SHISAL1: variants seen among roughly 807,000 people sequenced by gnomAD.
The protein encoded by SHISAL1 is protein shisa-like-1.
In SHISAL1, 9 loss-of-function variants were observed where a neutral mutation model predicts 22.6. The ratio of observed to expected loss-of-function variants is 0.40; its 90% CI spans 0.24 to 0.70. SHISAL1 has a LOEUF of 0.70. SHISAL1 is among the 30% of genes least tolerant of loss of function. The pLI is 0.39. For missense variants in SHISAL1, 246 were observed against 270.6 expected (o/e 0.91, Z 0.64); for synonymous variants, 119 against 115.4 (o/e 1.03, Z -0.20).
At chr22:44,288,931 C>T (rs1169860291) in intron 3 of SHISAL1, among the ~76,000 whole-genome samples, 2 of 152,196 alleles carry the variant, frequency 1.3e-5, no homozygotes, top group East Asian at 1.9e-4. Context: ...GCCCTGAAGG[C>T]GGGGTTGGGG....
At chr22:44,301,594 C>A (rs893682533) in intron 1 of SHISAL1, among the ~76,000 whole-genome samples, 4 of 152,188 alleles carry the variant, frequency 2.6e-5, no homozygotes, top group African/African-American at 9.7e-5. Context: ...CGAACAGATA[C>A]GTACACACAC....
the SHISAL1 span, among the ~76,000 whole-genome samples, chr22:44,322,252 G>T: frequency 6.6e-6 from 1 of 152,242 alleles, no homozygotes; most frequent in African/African-American, 2.4e-5. Context: ...GCCCAGGATA[G>T]GGCTACGGTG....
rs1415679363 is a variant in SHISAL1, at chr22:44,246,009, T to C, written c.*3676A>G. On this transcript the variant is annotated 3_prime_UTR_variant, in exon 5 of 5. Coordinates refer to ENST00000381176, the MANE Select transcript of SHISAL1 (RefSeq NM_001099294.2). ...GTGCGCGCATGTGCATGTATGTACT[T>C]GTGTGTTTTTTCAATTAAGGCCTGT... The C allele has an allele frequency of 1.3e-5, 2 of 152,242 alleles. No homozygotes were observed. The highest frequency in any genetic ancestry group is 4.8e-5 in the African/African-American group (2 of 41,452). 9.4% of individuals were successfully genotyped at this position (152,242 alleles called of 1,614,324 possible). A position where few individuals can be genotyped will look rare whatever the true frequency, so the allele number is the denominator to read the frequency against.
intron 4 of SHISAL1, among the ~76,000 whole-genome samples, chr22:44,273,195 T>C (rs2055216751): frequency 1.3e-5 from 2 of 152,200 alleles, no homozygotes; most frequent in African/African-American, 4.8e-5. Context: ...TACTAGCATT[T>C]GGACCATTAT....
At chr22:44,259,096 G>C (rs377755086) in intron 4 of SHISAL1, among the ~76,000 whole-genome samples, 1 of 152,148 alleles carries the variant, frequency 6.6e-6, no homozygotes, top group Non-Finnish European at 1.5e-5. Flanking sequence ...ATCCTCACCC[G>C]CCCTGCTATG....
chr22:44,294,323 G>A (rs2055371977), intron 3 of SHISAL1, among the ~76,000 whole-genome samples: 1 of 152,212 alleles, frequency 6.6e-6, no homozygotes, highest in Non-Finnish European at 1.5e-5. Context: ...TAGGTGGGAG[G>A]TGGGGAGACT....
Position 44,266,158 on chromosome 22 carries a change from A to C in SHISAL1, c.*-16473T>G, listed in dbSNP as rs367876423. ...CCAAGTCACCATCTCCACCCACCTCAGTTTACTCATCTGCTACATGTGAGG... is the reference window on the plus strand; with the variant it reads ...CCAAGTCACCATCTCCACCCACCTCCGTTTACTCATCTGCTACATGTGAGG... On this transcript the variant is annotated intron_variant, in intron 4 of 4. Transcript: ENST00000381176. Among the ~76,000 whole-genome samples, 14 of 152,312 alleles carry C rather than the reference A, an allele frequency of 9.2e-5. No individual in the cohort carries two copies. The East Asian group carries it at 2.5e-3, about 27-fold the overall frequency.
Position 44,272,587 on chromosome 22 carries a change from A to G in SHISAL1, c.599+12841T>C, listed in dbSNP as rs564715930. Among the ~76,000 whole-genome samples, 88 of 152,362 alleles carry G rather than the reference A, an allele frequency of 5.8e-4. 1 individual carries two copies. The South Asian group carries it at 0.017, about 30-fold the overall frequency. ...GGGACAGGGCTGGAGGCTTTGAAAG[A>G]GGATGCCCAAGACGTTTCCTTGGGG... On this transcript the variant is annotated intron_variant, in intron 4 of 4. Transcript: ENST00000381176.
intron 4 of SHISAL1, among the ~76,000 whole-genome samples, chr22:44,266,565 G>T (rs1397120149): frequency 2.3e-5 from 3 of 128,584 alleles, no homozygotes; most frequent in Non-Finnish European, 5.0e-5. Flanking sequence ...TGTGTTGGAG[G>T]GCTCTGGTGT....
At position 44,305,919 on chromosome 22, in the gene SHISAL1, C is replaced by A. The variant is rs138954700; in HGVS notation, c.-32-4942G>T. On this transcript the variant is annotated intron_variant, in intron 1 of 4. Coordinates refer to ENST00000381176, the MANE Select transcript of SHISAL1 (RefSeq NM_001099294.2). ...AGGTAGGGGCTGCCCTTACTCCCCACGCCCCCAAGGCAGCTCAGGGCCAGA... is the reference window on the plus strand; with the variant it reads ...AGGTAGGGGCTGCCCTTACTCCCCAAGCCCCCAAGGCAGCTCAGGGCCAGA... Among the ~76,000 whole-genome samples, 6 of 152,328 alleles carry A rather than the reference C, an allele frequency of 3.9e-5. No individual in the cohort carries two copies. In the East Asian group the frequency reaches 1.2e-3, roughly 29 times the overall value.
At chr22:44,315,351 G>A (rs1293338220), upstream of SHISAL1, among the ~76,000 whole-genome samples, 1 of 152,184 alleles carries the variant, frequency 6.6e-6, no homozygotes, top group African/African-American at 2.4e-5. Context: ...ACAGGGGCCT[G>A]GGTGGGGACT....
In SHISAL1 at chr22:44,297,992, G is replaced by A. The variant is rs150720294; in HGVS notation, c.68-1107C>T. On this transcript the variant is annotated intron_variant, in intron 2 of 4. Coordinates refer to ENST00000381176, the MANE Select transcript of SHISAL1 (RefSeq NM_001099294.2). ...GGGGAGTCCCAGCTGGGCTGGGCTG[G>A]GCTGGAAGATGGGCAGGCGGCCTTC... Among the ~76,000 whole-genome samples the A allele has an allele frequency of 9.2e-4, 140 of 152,282 alleles. 2 individuals carry two copies. In the East Asian group the frequency reaches 0.025, roughly 27 times the overall value.
chr22:44,289,349 G>T (rs1344435221), intron 3 of SHISAL1, among the ~76,000 whole-genome samples: 4 of 152,160 alleles, frequency 2.6e-5, no homozygotes, highest in African/African-American at 2.4e-5. Flanking sequence ...TCCAAAGAGG[G>T]GTCCCCTGTA....
rs2055513268 is a variant in SHISAL1 at position 44,310,895 on chromosome 22, C to T, written c.-33+1856G>A. On this transcript the variant is annotated intron_variant, in intron 1 of 4. Coordinates refer to ENST00000381176, the MANE Select transcript of SHISAL1 (RefSeq NM_001099294.2). The surrounding 1 kb of genome is among the most constrained non-coding windows in gnomAD (Gnocchi z 4.0). Reference sequence around the variant, plus strand: ...TGTGCCTCTGCATCGCCCCACCATGCTTTGCACACAGTAGGTGCTGAATAA... The same window carrying T: ...TGTGCCTCTGCATCGCCCCACCATGTTTTGCACACAGTAGGTGCTGAATAA... 6.6e-6 allele frequency among the ~76,000 whole-genome samples: 1 copy of T among 152,128 alleles called. No individual in the cohort carries two copies. The highest frequency in any genetic ancestry group is 1.5e-5 in the Non-Finnish European group (1 of 68,018).
At chr22:44,289,039 C>T (rs1247954403) in intron 3 of SHISAL1, among the ~76,000 whole-genome samples, 1 of 152,356 alleles carries the variant, frequency 6.6e-6, no homozygotes, top group Non-Finnish European at 1.5e-5. Context: ...ACAGTGGCTG[C>T]TTTGATACTA....
chr22:44,253,832 CTGTGTGTG>C (rs61001074), intron 4 of SHISAL1, among the ~76,000 whole-genome samples: 3 of 149,186 alleles, frequency 2.0e-5, no homozygotes, highest in Non-Finnish European at 4.5e-5. Flanking sequence ...AATCTAACAA[CTGTGTGTG>C]TGTGTGTGTG....
At chr22:44,291,539 T>C (rs935244130) in intron 3 of SHISAL1, among the ~76,000 whole-genome samples, 1 of 152,076 alleles carries the variant, frequency 6.6e-6, no homozygotes, top group Non-Finnish European at 1.5e-5. Context: ...TAAGTGTTCA[T>C]TCACTTCCTT....
At position 44,296,655 on chromosome 22, in the gene SHISAL1, C is replaced by A; in HGVS notation, c.281+17G>T. 6.2e-7 allele frequency: 1 copy of A among 1,611,618 alleles called. No homozygotes were observed. Among genetic ancestry groups the A allele is most frequent in the Non-Finnish European group, 8.5e-7 (1 of 1,178,820 alleles). ...GGGCCCGAGGCAGTGGGGTTGCACC[C>A]CCAGAGTGGCACTCACTTGTGCATG... On this transcript the variant is annotated intron_variant, in intron 3 of 4. Transcript: ENST00000381176.
At chr22:44,279,471 C>T (rs970586960) in intron 4 of SHISAL1, among the ~76,000 whole-genome samples, 3 of 152,236 alleles carry the variant, frequency 2.0e-5, no homozygotes, top group African/African-American at 4.8e-5. Context: ...GCAGAAACCA[C>T]ACGCCAAGGA....
Sources: allele counts gnomAD v4.1 joint callset (sites outside exome capture counted in the v4.1 genomes callset), GRCh38; gene constraint gnomAD v4.1.1; non-coding constraint Gnocchi (gnomAD v3.1); transcripts MANE v1.5; gene names NCBI Gene and HGNC (gene_info 2026-07-23, HGNC 2026-07-21).